FNDC3B: variants seen among roughly 807,000 people sequenced by gnomAD.
The protein encoded by FNDC3B is fibronectin type III domain containing 3B.
FNDC3B carries 12 observed loss-of-function variants against 151.5 expected under a neutral mutation model. The observed-to-expected ratio is 0.08, with a 90% confidence interval of 0.05 to 0.13. The LOEUF (loss-of-function observed/expected upper bound fraction) is 0.13, where lower values mean the gene tolerates loss of function less well. FNDC3B is among the 10% of genes least tolerant of loss of function. The pLI is 1.00. For missense variants in FNDC3B, 1,214 were observed against 1,505.3 expected (o/e 0.81, Z 3.20); for synonymous variants, 528 against 549.0 (o/e 0.96, Z 0.54).
At chr3:172,130,396 G>A (rs1721015347) in intron 2 of FNDC3B, among the ~76,000 whole-genome samples, 1 of 152,142 alleles carries the variant, frequency 6.6e-6, no homozygotes, top group Non-Finnish European at 1.5e-5. Context: ...TGGCTACTCA[G>A]CAGCAGTGAA....
intron 9 of FNDC3B, chr3:172,303,081 A>C (rs1268188108): frequency 6.6e-6 from 1 of 152,174 alleles, no homozygotes; most frequent in Non-Finnish European, 1.5e-5. Flanking sequence ...TATTTGTACA[A>C]ATAAATATGT....
chr3:172,189,148 A>G (rs1240181645), intron 3 of FNDC3B, among the ~76,000 whole-genome samples: 2 of 152,240 alleles, frequency 1.3e-5, no homozygotes, highest in Non-Finnish European at 1.5e-5. Flanking sequence ...TGTCATAATA[A>G]TAGAATATTC....
intron 16 of FNDC3B, among the ~76,000 whole-genome samples, chr3:172,338,791 C>T (rs1035548769): frequency 3.9e-5 from 6 of 152,208 alleles, no homozygotes; most frequent in African/African-American, 1.4e-4. Flanking sequence ...CGACAGAGTG[C>T]AGTGGCGTGA....
In FNDC3B at chr3:172,199,721, G is replaced by T. The variant is rs889678203; in HGVS notation, c.188-27150G>T. ...ACAAAGACCCCAAACATTTCTAATG[G>T]TAAACATGGAAATAAATGTGAGCTA... On this transcript the variant is annotated intron_variant, in intron 3 of 25. Coordinates refer to ENST00000415807, the MANE Select transcript of FNDC3B (RefSeq NM_022763.4). Among the ~76,000 whole-genome samples the T allele has an allele frequency of 2.0e-5, 3 of 152,086 alleles. No individual in the cohort carries two copies. The South Asian group carries it at 6.2e-4, about 32-fold the overall frequency.
At chr3:172,313,604 G>A (rs1476361251) in intron 11 of FNDC3B, among the ~76,000 whole-genome samples, 1 of 152,192 alleles carries the variant, frequency 6.6e-6, no homozygotes, top group African/African-American at 2.4e-5. Flanking sequence ...AAAGATAACT[G>A]TGATAGCTGT....
chr3:172,273,368 A>G (rs1012078523), intron 6 of FNDC3B, among the ~76,000 whole-genome samples: 1 of 151,090 alleles, frequency 6.6e-6, no homozygotes, highest in Non-Finnish European at 1.5e-5. Flanking sequence ...GTGTCATAGA[A>G]AAAAAGTCCC....
rs372323417 is a variant in FNDC3B, at chr3:172,188,167, G to A, written c.188-38704G>A. 1.0e-4 allele frequency among the ~76,000 whole-genome samples: 15 copies of A among 149,548 alleles called. No individual in the cohort carries two copies. In the East Asian group the frequency reaches 2.0e-3, roughly 20 times the overall value. On this transcript the variant is annotated intron_variant, in intron 3 of 25. Transcript: ENST00000415807. ...TGTGCCACCACGCCCGGCTAATTTT[G>A]TATTTTTAGTAGAGACAGGGTTTCT...
chr3:172,311,906 A>G (rs1437203487), intron 11 of FNDC3B, among the ~76,000 whole-genome samples: 2 of 151,026 alleles, frequency 1.3e-5, no homozygotes, highest in South Asian at 4.2e-4. Context: ...AAGCAACTGT[A>G]CTTTTTGTTC....
intron 1 of FNDC3B, among the ~76,000 whole-genome samples, chr3:172,060,954 G>C (rs910200794): frequency 6.6e-6 from 1 of 152,166 alleles, no homozygotes; most frequent in Non-Finnish European, 1.5e-5. Context: ...TTCTTGTTCA[G>C]TCAATAATTA....
intron 1 of FNDC3B, among the ~76,000 whole-genome samples, chr3:172,068,736 C>A (rs948772484): frequency 6.6e-6 from 1 of 152,098 alleles, no homozygotes; most frequent in African/African-American, 2.4e-5. Flanking sequence ...GAGGAGCCCT[C>A]ATTTATAGCA....
rs779257048 is a variant in FNDC3B at position 172,247,820 on chromosome 3, A to G, written c.508+44A>G. 2.5e-6 allele frequency: 4 copies of G among 1,604,098 alleles called. No homozygotes were observed. The Admixed American group carries it at 5.0e-5, about 20-fold the overall frequency. On this transcript the variant is annotated intron_variant, in intron 5 of 25. Coordinates refer to ENST00000415807, the MANE Select transcript of FNDC3B (RefSeq NM_022763.4). ...GCGTCAGGAGCCGTTGAAACTGATTACAGCGTTTCAATAGTTCAAGGCGGT... is the reference window on the plus strand; with the variant it reads ...GCGTCAGGAGCCGTTGAAACTGATTGCAGCGTTTCAATAGTTCAAGGCGGT...
chr3:172,149,471 C>T (rs1722100110), intron 3 of FNDC3B, among the ~76,000 whole-genome samples: 1 of 151,990 alleles, frequency 6.6e-6, no homozygotes, highest in Non-Finnish European at 1.5e-5. Flanking sequence ...TTATTTTTAC[C>T]ACCCCTTTTC....
intron 15 of FNDC3B, chr3:172,335,544 C>A (rs1464997385): frequency 6.6e-6 from 1 of 152,162 alleles, no homozygotes; most frequent in Non-Finnish European, 1.5e-5. Flanking sequence ...TAAACTTTAG[C>A]ATACAGAACA....
At chr3:172,392,185 GTC>G (rs1648385655) in intron 25 of FNDC3B, among the ~76,000 whole-genome samples, 1 of 152,264 alleles carries the variant, frequency 6.6e-6, no homozygotes, top group South Asian at 2.1e-4. Flanking sequence ...GAAAGGAATG[GTC>G]TCTCAGGACC....
At chr3:172,334,720 G>A (rs917365630) in intron 14 of FNDC3B, among the ~76,000 whole-genome samples, 1 of 152,198 alleles carries the variant, frequency 6.6e-6, no homozygotes. Context: ...AGGATTACAG[G>A]CGTGAGCCAC....
At chr3:172,217,962 A>G (rs1726076361) in intron 3 of FNDC3B, among the ~76,000 whole-genome samples, 1 of 152,056 alleles carries the variant, frequency 6.6e-6, no homozygotes, top group Non-Finnish European at 1.5e-5. Context: ...TCTATCAGCA[A>G]CTCAGTTTTG....
At chr3:172,328,111 C>T (rs1022961697) in intron 11 of FNDC3B, among the ~76,000 whole-genome samples, 2 of 152,166 alleles carry the variant, frequency 1.3e-5, no homozygotes, top group South Asian at 2.1e-4. Flanking sequence ...GAACCTAATA[C>T]GAGACCCCAC....
chr3:172,378,493 C>A, intron 24 of FNDC3B, 57 bp downstream of exon 24: 2 of 1,423,384 alleles, frequency 1.4e-6, no homozygotes, highest in Non-Finnish European at 1.9e-6. Flanking sequence ...ACTGTTGGGA[C>A]TTATAGAAAG....
chr3:172,199,474 C>T (rs778332118), intron 3 of FNDC3B, among the ~76,000 whole-genome samples: 11 of 152,256 alleles, frequency 7.2e-5, no homozygotes, highest in Non-Finnish European at 1.0e-4. Flanking sequence ...CCACCGCGCC[C>T]GGCTAGAATA....
Sources: gnomAD v4.1 joint callset for allele counts (sites outside exome capture counted in the v4.1 genomes callset) on GRCh38, gnomAD v4.1.1 for gene constraint, MANE v1.5 for transcripts, NCBI Gene and HGNC (gene_info 2026-07-23, HGNC 2026-07-21) for gene names.